TSC22D3: variants seen among roughly 807,000 people sequenced by gnomAD.
The protein encoded by TSC22D3 is TSC22 domain family member 3, also known as TSC22 domain family protein 3.
In TSC22D3, 4 loss-of-function variants were observed where a neutral mutation model predicts 11.1. That is an observed-to-expected ratio of 0.36 (90% CI 0.18 to 0.83). The LOEUF is 0.83. Ranked by LOEUF, TSC22D3 falls within the 40% of genes least tolerant of loss-of-function variation. The pLI, the probability that TSC22D3 is intolerant of heterozygous loss-of-function variation, is 0.48. For missense variants in TSC22D3, 118 were observed against 159.4 expected, an observed-to-expected ratio of 0.74 and a Z score of 1.40; for synonymous variants, 77 against 70.3, an observed-to-expected ratio of 1.10 and a Z score of -0.48.
intron 1 of TSC22D3, among the ~76,000 whole-genome samples, chrX:107,718,153 A>G (rs939662240): frequency 2.7e-5 from 3 of 112,107 alleles, no homozygotes; most frequent in African/African-American, 6.5e-5. Flanking sequence ...ATTAAAATAT[A>G]TCTTATTTAT....
chrX:107,724,509 A>G (rs1039878567), intron 1 of TSC22D3, among the ~76,000 whole-genome samples: 1 of 113,598 alleles, frequency 8.8e-6, no homozygotes. Context: ...ATAGCCAGGC[A>G]GAGTGGGGCA....
intron 1 of TSC22D3, among the ~76,000 whole-genome samples, chrX:107,768,175 C>A (rs1226114265): frequency 8.9e-6 from 1 of 112,091 alleles, no homozygotes; most frequent in Non-Finnish European, 1.9e-5. Context: ...ACAGCCACCA[C>A]CAGGTGCAGA....
At chrX:107,734,967 A>G (rs953144027) in intron 1 of TSC22D3, among the ~76,000 whole-genome samples, 15 of 105,765 alleles carry the variant, frequency 1.4e-4, no homozygotes, top group Middle Eastern at 9.5e-3. Flanking sequence ...CCAAGGTCAC[A>G]CAGCTAGAGC....
At chrX:107,733,391 G>A (rs940624037) in intron 1 of TSC22D3, among the ~76,000 whole-genome samples, 1 of 111,854 alleles carries the variant, frequency 8.9e-6, no homozygotes, top group African/African-American at 3.3e-5. Flanking sequence ...TACTCATTCA[G>A]GTTACTTGGT....
chrX:107,726,756 GACCTATAGAC>G (rs1927647425), intron 1 of TSC22D3, among the ~76,000 whole-genome samples: 1 of 111,015 alleles, frequency 9.0e-6, no homozygotes. Flanking sequence ...CAACCTTAAA[GACCTATAGAC>G]ACCAGAGCAT....
intron 1 of TSC22D3, among the ~76,000 whole-genome samples, chrX:107,773,160 T>A (rs1929978304): frequency 8.9e-6 from 1 of 112,781 alleles, no homozygotes; most frequent in South Asian, 3.6e-4. Flanking sequence ...AAACTCGTAT[T>A]AGTGGAGTAG....
chrX:107,768,454 C>A (rs913711199), intron 1 of TSC22D3, among the ~76,000 whole-genome samples: 3 of 112,529 alleles, frequency 2.7e-5, no homozygotes, highest in African/African-American at 9.7e-5. Flanking sequence ...AAACTAAGGT[C>A]ACCCTGGAAA....
At position 107,753,592 on chromosome X, in the gene TSC22D3, C is replaced by T. The variant is rs181169087; in HGVS notation, c.320+21508G>A. On this transcript the variant is annotated intron_variant, in intron 1 of 2. Coordinates refer to ENST00000372383, the MANE Select transcript of TSC22D3 (RefSeq NM_198057.3). ...CTGGTAACTCCTTGGATCTGTCTCC[C>T]CAAGTCAAACTAGGTACCATTACGC... Among the ~76,000 whole-genome samples, 78 of 111,465 alleles carry T rather than the reference C, an allele frequency of 7.0e-4. 2 individuals carry two copies. Among genetic ancestry groups the T allele is most frequent in the Admixed American group, 5.4e-3 (57 of 10,538 alleles).
At chrX:107,761,003 G>A (rs1929414730) in intron 1 of TSC22D3, among the ~76,000 whole-genome samples, 2 of 111,625 alleles carry the variant, frequency 1.8e-5, no homozygotes, top group South Asian at 7.5e-4. Context: ...GGCAAGGCCA[G>A]CCAGATAAGG....
chrX:107,714,297 G>T lies in TSC22D3; in HGVS notation c.*222C>A, dbSNP rs1311064864. The stretch of plus-strand genomic sequence containing the variant: ...AGCATTAGAGGCTCACTGGCTTGGT[G>T]TTACTAGGCCCCATGCAACTCAGCC... On this transcript the variant is annotated 3_prime_UTR_variant, in exon 3 of 3. Transcript: ENST00000372383. 2.0e-5 allele frequency: 8 copies of T among 396,426 alleles called. No individual in the cohort carries two copies. The East Asian group carries it at 3.2e-4, about 16-fold the overall frequency. 32.7% of individuals were successfully genotyped at this position (396,426 alleles called of 1,213,427 possible). A position where few individuals can be genotyped will look rare whatever the true frequency, so the allele number is the denominator to read the frequency against.
intron 1 of TSC22D3, among the ~76,000 whole-genome samples, chrX:107,750,326 T>C (rs1928881031): frequency 9.3e-6 from 1 of 107,931 alleles, no homozygotes; most frequent in Non-Finnish European, 1.9e-5. Flanking sequence ...CCACCTGTGG[T>C]CCCACCATGA....
chrX:107,731,736 C>T (rs1395366090), intron 1 of TSC22D3, among the ~76,000 whole-genome samples: 2 of 110,860 alleles, frequency 1.8e-5, no homozygotes, highest in Non-Finnish European at 3.8e-5. Context: ...TTCAGGCCCT[C>T]GTCCTCAGGA....
intron 1 of TSC22D3, among the ~76,000 whole-genome samples, chrX:107,724,208 C>T (rs1457025043): frequency 8.9e-6 from 1 of 112,450 alleles, no homozygotes; most frequent in East Asian, 2.8e-4. Flanking sequence ...TAGAAGGCAG[C>T]CTAGCTGGGG....
intron 1 of TSC22D3, among the ~76,000 whole-genome samples, chrX:107,737,176 C>T (rs767759605): frequency 3.1e-4 from 35 of 111,716 alleles, no homozygotes; most frequent in Admixed American, 9.4e-5. Context: ...TCCCAGGGCC[C>T]CTGGACCAAT....
chrX:107,725,827 G>A (rs886912423), intron 1 of TSC22D3, among the ~76,000 whole-genome samples: 3 of 111,414 alleles, frequency 2.7e-5, no homozygotes, highest in East Asian at 2.8e-4. Flanking sequence ...GGTGGGCATC[G>A]TTGTGGGAAA....
intron 1 of TSC22D3, among the ~76,000 whole-genome samples, chrX:107,723,429 C>T (rs1463736300): frequency 8.9e-6 from 1 of 112,506 alleles, no homozygotes; most frequent in African/African-American, 3.2e-5. Flanking sequence ...GTCCTTTAGC[C>T]AGCTCCTCTC....
intron 1 of TSC22D3, among the ~76,000 whole-genome samples, chrX:107,741,311 T>C (rs994735001): frequency 1.7e-4 from 19 of 112,167 alleles, no homozygotes; most frequent in Non-Finnish European, 3.0e-4. Context: ...CCACCGTAGA[T>C]CCCCCTTTCC....
intron 1 of TSC22D3, among the ~76,000 whole-genome samples, chrX:107,737,209 G>A (rs1473521066): frequency 9.0e-6 from 1 of 111,579 alleles, no homozygotes; most frequent in Non-Finnish European, 1.9e-5. Context: ...GCATGCTGAG[G>A]TATAAATGAC....
At chrX:107,717,648 C>T (rs187248025) in intron 1 of TSC22D3, among the ~76,000 whole-genome samples, 2 of 112,586 alleles carry the variant, frequency 1.8e-5, no homozygotes, top group South Asian at 3.6e-4. Flanking sequence ...GTCTGTGGAC[C>T]GGCACATGTA....
Sources: gnomAD v4.1 joint callset for allele counts (sites outside exome capture counted in the v4.1 genomes callset) on GRCh38, gnomAD v4.1.1 for gene constraint, MANE v1.5 for transcripts, NCBI Gene and HGNC (gene_info 2026-07-23, HGNC 2026-07-21) for gene names.